The following OSBPL6 variants were observed in gnomAD, a reference collection of about 807,000 sequenced individuals.
The protein encoded by OSBPL6 is oxysterol-binding protein-related protein 6.
A neutral mutation model predicts 125.8 loss-of-function variants in OSBPL6; 49 were observed. The observed-to-expected ratio is 0.39, with a 90% CI of 0.31 to 0.49. The LOEUF is 0.49. Among genes scored for constraint, OSBPL6 ranks in the 20% least tolerant of loss-of-function variants. The pLI, the probability that OSBPL6 is intolerant of heterozygous loss-of-function variation, is 0.88. For missense variants in OSBPL6, 986 were observed against 1,135.4 expected, an observed-to-expected ratio of 0.87 and a Z score of 1.89; for synonymous variants, 394 against 391.8, an observed-to-expected ratio of 1.01 and a Z score of -0.07.
At chr2:178,261,344 C>G (rs1045512081) in intron 1 of OSBPL6, among the ~76,000 whole-genome samples, 2 of 150,574 alleles carry the variant, frequency 1.3e-5, no homozygotes, top group African/African-American at 4.9e-5. Flanking sequence ...AAAACATCAC[C>G]CTGTATACCT....
intron 2 of OSBPL6, among the ~76,000 whole-genome samples, chr2:178,302,982 T>C (rs1357776543): frequency 6.6e-6 from 1 of 152,204 alleles, no homozygotes; most frequent in Admixed American, 6.5e-5. Flanking sequence ...CAGTATCTAC[T>C]TGTAAAACAT....
chr2:178,336,060 T>C (rs1288393802), intron 8 of OSBPL6, among the ~76,000 whole-genome samples: 1 of 152,080 alleles, frequency 6.6e-6, no homozygotes, highest in East Asian at 1.9e-4. Context: ...AATTATGAGA[T>C]ACAACACACT....
chr2:178,341,559 C>G (rs16866271), intron 11 of OSBPL6, among the ~76,000 whole-genome samples: 3,944 of 152,194 alleles, frequency 0.026, 245 homozygotes, highest in East Asian at 0.23. Flanking sequence ...TTGTTTGTGA[C>G]TTTGCTAAGG....
intron 1 of OSBPL6, among the ~76,000 whole-genome samples, chr2:178,202,784 T>C (rs2089322334): frequency 6.6e-6 from 1 of 150,754 alleles, no homozygotes; most frequent in South Asian, 2.1e-4. Flanking sequence ...GTTGTGCCAC[T>C]GTTTTCTACC....
chr2:178,376,697 C>T (rs1693906024), intron 15 of OSBPL6, among the ~76,000 whole-genome samples: 1 of 152,162 alleles, frequency 6.6e-6, no homozygotes, highest in African/African-American at 2.4e-5. Context: ...AATCTGATGC[C>T]TGCTGTCTCT....
intron 2 of OSBPL6, among the ~76,000 whole-genome samples, chr2:178,289,838 A>G (rs1685072409): frequency 7.8e-6 from 1 of 128,114 alleles, no homozygotes; most frequent in Non-Finnish European, 1.8e-5. Context: ...TCTATTACTC[A>G]GATTTACTAG....
At chr2:178,225,364 T>C (rs1369879735) in intron 1 of OSBPL6, among the ~76,000 whole-genome samples, 1 of 152,198 alleles carries the variant, frequency 6.6e-6, no homozygotes, top group Non-Finnish European at 1.5e-5. Flanking sequence ...ATAAGAGAGA[T>C]GCAAATTTTA....
rs187202292 is a variant in OSBPL6, at chr2:178,312,281, C to A, written c.102+5995C>A. On this transcript the variant is annotated intron_variant, in intron 3 of 24. Transcript: ENST00000190611. ...GGTTCAAGTGATTCTCCTGCCTCAGCCTTCCGAGTAGCTGGGATTACAGGT... is the reference window on the plus strand; with the variant it reads ...GGTTCAAGTGATTCTCCTGCCTCAGACTTCCGAGTAGCTGGGATTACAGGT... Among the ~76,000 whole-genome samples the A allele has an allele frequency of 6.3e-3, 945 of 151,048 alleles. 6 individuals are homozygous for A. The highest frequency in any genetic ancestry group is 0.011 in the Non-Finnish European group (762 of 67,884).
intron 12 of OSBPL6, among the ~76,000 whole-genome samples, chr2:178,351,802 C>T (rs1691285853): frequency 6.6e-6 from 1 of 151,754 alleles, no homozygotes; most frequent in Non-Finnish European, 1.5e-5. Flanking sequence ...AACTTATGAA[C>T]ACAAAGAAGG....
intron 1 of OSBPL6, among the ~76,000 whole-genome samples, chr2:178,253,660 G>A (rs2091775963): frequency 6.6e-6 from 1 of 152,180 alleles, no homozygotes; most frequent in Non-Finnish European, 1.5e-5. Flanking sequence ...CTCAGGGCCA[G>A]CAAGTCAAAA....
Position 178,382,508 on chromosome 2 carries a change from G to T in OSBPL6, c.1621+1G>T. Reference sequence around the variant, plus strand: ...GTTGCAGACAATATTTCTCGGCAAAGTATGCATCATTTGAGCTTCCAGGTT... The same window carrying T: ...GTTGCAGACAATATTTCTCGGCAAATTATGCATCATTTGAGCTTCCAGGTT... On this transcript the variant is annotated splice_donor_variant, in intron 16 of 24. Transcript: ENST00000190611. LOFTEE classifies it high-confidence loss of function. 1 of 1,614,088 alleles carries T rather than the reference G, an allele frequency of 6.2e-7. No homozygotes were observed. Among genetic ancestry groups the T allele is most frequent in the Non-Finnish European group, 8.5e-7 (1 of 1,180,018 alleles).
chr2:178,212,601 G>C (rs528424812), intron 1 of OSBPL6, among the ~76,000 whole-genome samples: 1 of 152,208 alleles, frequency 6.6e-6, no homozygotes, highest in Non-Finnish European at 1.5e-5. Flanking sequence ...ATTGCAAACA[G>C]TAATCAGTGA....
intron 12 of OSBPL6, among the ~76,000 whole-genome samples, chr2:178,351,850 T>C (rs553176379): frequency 5.3e-5 from 8 of 151,500 alleles, no homozygotes; most frequent in African/African-American, 1.9e-4. Context: ...GGGTGGAGGG[T>C]GGGAGGAGGG....
intron 2 of OSBPL6, among the ~76,000 whole-genome samples, chr2:178,292,202 C>A (rs1292424059): frequency 6.6e-6 from 1 of 151,938 alleles, no homozygotes; most frequent in Non-Finnish European, 1.5e-5. Flanking sequence ...TATCTTGTTC[C>A]CAAATGACCA....
intron 1 of OSBPL6, among the ~76,000 whole-genome samples, chr2:178,252,993 AAGG>A (rs2091752260): frequency 6.6e-6 from 1 of 152,026 alleles, no homozygotes; most frequent in Non-Finnish European, 1.5e-5. Context: ...GAATCTATAG[AAGG>A]AGAACATTCA....
chr2:178,378,644 A>G (rs1694114456), intron 15 of OSBPL6, among the ~76,000 whole-genome samples: 1 of 152,228 alleles, frequency 6.6e-6, no homozygotes, highest in Non-Finnish European at 1.5e-5. Context: ...TGGTTCCAGG[A>G]CTTCTTAACC....
At chr2:178,219,544 A>T (rs2090250443) in intron 1 of OSBPL6, among the ~76,000 whole-genome samples, 1 of 152,210 alleles carries the variant, frequency 6.6e-6, no homozygotes, top group Non-Finnish European at 1.5e-5. Context: ...GTTTTGTAGC[A>T]GTTATTAGGC....
At chr2:178,255,476 A>G (rs1045999539) in intron 1 of OSBPL6, among the ~76,000 whole-genome samples, 3 of 152,218 alleles carry the variant, frequency 2.0e-5, no homozygotes, top group African/African-American at 7.2e-5. Flanking sequence ...CTCCCATGAC[A>G]CATGGGGATT....
chr2:178,278,314 T>C (rs2092511566), intron 1 of OSBPL6, among the ~76,000 whole-genome samples: 1 of 152,242 alleles, frequency 6.6e-6, no homozygotes, highest in African/African-American at 2.4e-5. Flanking sequence ...TTTCCTGTTA[T>C]CTAGGGCTTT....
Sources: allele counts gnomAD v4.1 joint callset (sites outside exome capture counted in the v4.1 genomes callset), GRCh38; gene constraint gnomAD v4.1.1; transcripts MANE v1.5; gene names NCBI Gene and HGNC (gene_info 2026-07-23, HGNC 2026-07-21).